Variants in TMEM132D observed in about 807,000 individuals in gnomAD.
TMEM132D encodes the protein mature OL transmembrane protein.
TMEM132D carries 21 observed loss-of-function variants against 62.3 expected under a neutral mutation model. The observed-to-expected ratio is 0.34, with a 90% CI of 0.24 to 0.49. The LOEUF (loss-of-function observed/expected upper bound fraction) is 0.49. TMEM132D is among the 20% of genes least tolerant of loss of function. The pLI is 0.99. For synonymous variants in TMEM132D, 621 were observed against 575.6 expected, an observed-to-expected ratio of 1.08 and a Z score of -1.13; for missense variants, 1,346 against 1,402.8, an observed-to-expected ratio of 0.96 and a Z score of 0.65.
chr12:129,762,158 C>A (rs193166772), intron 1 of TMEM132D, among the ~76,000 whole-genome samples: 6 of 152,198 alleles, frequency 3.9e-5, no homozygotes, highest in African/African-American at 1.2e-4. Flanking sequence ...CTAAATGTTG[C>A]AATTATGTGT....
Position 129,700,556 on chromosome 12 carries a change from G to T in TMEM132D, c.222C>A (p.Ser74Arg), listed in dbSNP as rs2137227651. The T allele has an allele frequency of 6.2e-7, 1 of 1,614,060 alleles. No homozygotes were observed. Reference protein sequence around the residue: ...EANQDIMRNSSLQSRVESFLI... With the variant: ...EANQDIMRNSRLQSRVESFLI... ...GAAATGACTCCACCCGGGACTGCAG[G>T]CTGGAGTTCCTCATGATATCCTGGT... The change falls in exon 2 of 9, where the codon AGC (serine) becomes AGA (arginine). Residue 74 changes from serine (S) to arginine (R), a missense_variant. Coordinates refer to ENST00000422113, the MANE Select transcript of TMEM132D (RefSeq NM_133448.3).
intron 1 of TMEM132D, among the ~76,000 whole-genome samples, chr12:129,774,982 A>G (rs1343497069): frequency 6.6e-6 from 1 of 151,690 alleles, no homozygotes; most frequent in African/African-American, 2.4e-5. Context: ...TCAGGGGCAC[A>G]GAACCATGTC....
chr12:129,414,651 T>A (rs1872063312), intron 3 of TMEM132D, among the ~76,000 whole-genome samples: 1 of 152,218 alleles, frequency 6.6e-6, no homozygotes, highest in Non-Finnish European at 1.5e-5. Flanking sequence ...TTTCTTTTGG[T>A]CTGGTAAGAA....
intron 1 of TMEM132D, among the ~76,000 whole-genome samples, chr12:129,737,147 C>T (rs2137256555): frequency 6.6e-6 from 1 of 152,272 alleles, no homozygotes; most frequent in South Asian, 2.1e-4. Flanking sequence ...GCACTACTGG[C>T]ATCTTAGACT....
At chr12:129,560,860 G>T (rs894764374) in intron 2 of TMEM132D, among the ~76,000 whole-genome samples, 1 of 152,104 alleles carries the variant, frequency 6.6e-6, no homozygotes, top group Non-Finnish European at 1.5e-5. Flanking sequence ...AGTTCTACTT[G>T]TGTCTCCCTG....
chr12:129,662,808 A>G (rs201192526), intron 2 of TMEM132D, among the ~76,000 whole-genome samples: 9 of 64,856 alleles, frequency 1.4e-4, no homozygotes, highest in African/African-American at 5.8e-4. Context: ...AAAAAAAAAA[A>G]AAAAAGAGAG....
chr12:129,830,043 G>A (rs556630193), intron 1 of TMEM132D, among the ~76,000 whole-genome samples: 1 of 152,272 alleles, frequency 6.6e-6, no homozygotes, highest in Admixed American at 6.5e-5. Context: ...GAGTGGCACA[G>A]AGCTCAGGCT....
At chr12:129,551,180 C>A (rs1422850594) in intron 2 of TMEM132D, among the ~76,000 whole-genome samples, 1 of 152,248 alleles carries the variant, frequency 6.6e-6, no homozygotes, top group Non-Finnish European at 1.5e-5. Flanking sequence ...GAGGCCCCAG[C>A]CATTGTGGAG....
At chr12:129,506,891 C>A (rs1230090997) in intron 3 of TMEM132D, among the ~76,000 whole-genome samples, 1 of 152,042 alleles carries the variant, frequency 6.6e-6, no homozygotes, top group Non-Finnish European at 1.5e-5. Flanking sequence ...TTTTGCACAG[C>A]AAGAGAAACA....
chr12:129,310,555 T>C (rs1881948738), intron 4 of TMEM132D, among the ~76,000 whole-genome samples: 1 of 152,202 alleles, frequency 6.6e-6, no homozygotes, highest in South Asian at 2.1e-4. Flanking sequence ...GACTTTTCTT[T>C]GGCTGAACCC....
chr12:129,133,553 T>A lies in TMEM132D; in HGVS notation c.1444-48851A>T, dbSNP rs1197596254. ...ATGTTCCCAGTAAATCAATTAAACA[T>A]GGAGGTCTGTCTTGGTATCTGCTTA... On this transcript the variant is annotated intron_variant, in intron 5 of 8. Coordinates refer to ENST00000422113, the MANE Select transcript of TMEM132D (RefSeq NM_133448.3). 2.6e-5 allele frequency among the ~76,000 whole-genome samples: 4 copies of A among 152,220 alleles called. No individual in the cohort carries two copies. In the East Asian group the frequency reaches 7.7e-4, roughly 29 times the overall value.
intron 2 of TMEM132D, among the ~76,000 whole-genome samples, chr12:129,676,542 G>A (rs758819150): frequency 4.9e-4 from 74 of 152,310 alleles, no homozygotes; most frequent in Middle Eastern, 3.4e-3. Flanking sequence ...AGAGGAGGGG[G>A]AAGGGAGCCA....
At chr12:129,560,847 G>A (rs938699690) in intron 2 of TMEM132D, among the ~76,000 whole-genome samples, 1 of 152,144 alleles carries the variant, frequency 6.6e-6, no homozygotes, top group Non-Finnish European at 1.5e-5. Flanking sequence ...AAACTTTCAT[G>A]TTAGTTCTAC....
chr12:129,660,710 G>T (rs548236509), intron 2 of TMEM132D, among the ~76,000 whole-genome samples: 1 of 152,136 alleles, frequency 6.6e-6, no homozygotes, highest in African/African-American at 2.4e-5. Flanking sequence ...TGCACACCTT[G>T]TACCAAAATG....
chr12:129,102,444 C>A (rs201650316), intron 5 of TMEM132D, among the ~76,000 whole-genome samples: 2 of 143,246 alleles, frequency 1.4e-5, no homozygotes, highest in African/African-American at 4.9e-5. Flanking sequence ...TATGCACATA[C>A]ACACATGCAG....
rs146273871 is a variant in TMEM132D, at chr12:129,260,741, C to T, written c.1300-51078G>A. Among the ~76,000 whole-genome samples the T allele has an allele frequency of 5.7e-3, 875 of 152,280 alleles. 7 individuals are homozygous for T. Among genetic ancestry groups the T allele is most frequent in the African/African-American group, 0.02 (840 of 41,560 alleles). On this transcript the variant is annotated intron_variant, in intron 4 of 8. Coordinates refer to ENST00000422113, the MANE Select transcript of TMEM132D (RefSeq NM_133448.3). ...TTTGCATCCTCGTAGCTTTAACTCT[C>T]ACTTATAAGAGAGAACATATGATAT...
intron 4 of TMEM132D, among the ~76,000 whole-genome samples, chr12:129,297,736 T>C (rs1881612325): frequency 1.3e-5 from 2 of 152,106 alleles, no homozygotes; most frequent in Non-Finnish European, 2.9e-5. Flanking sequence ...GGTTATCAGG[T>C]CGTTATCAAA....
At chr12:129,649,852 GTA>G (rs1293803741) in intron 2 of TMEM132D, among the ~76,000 whole-genome samples, 4 of 146,742 alleles carry the variant, frequency 2.7e-5, no homozygotes, top group East Asian at 2.0e-4. Flanking sequence ...TTGTATGTTT[GTA>G]TATGTGTATG....
In TMEM132D at chr12:129,074,793, T is replaced by TTTGA; in HGVS notation, c.2378_2381dup (p.Lys794AsnfsTer4). 6.2e-7 allele frequency: 1 copy of TTTGA among 1,614,136 alleles called. No homozygotes were observed. Among genetic ancestry groups the TTTGA allele is most frequent in the Non-Finnish European group, 8.5e-7 (1 of 1,180,034 alleles). ...TAGCATCGTTTTGGCCAAATTTAAC[T>TTTGA]TTGATGTTTGCCGTTCCAACAGCTA... On this transcript the variant is annotated frameshift_variant, in exon 9 of 9. Coordinates refer to ENST00000422113, the MANE Select transcript of TMEM132D (RefSeq NM_133448.3). LOFTEE classifies it low-confidence loss of function (END_TRUNC).
Sources: allele counts gnomAD v4.1 joint callset (sites outside exome capture counted in the v4.1 genomes callset), GRCh38; gene constraint gnomAD v4.1.1; transcripts MANE v1.5; gene names NCBI Gene and HGNC (gene_info 2026-07-23, HGNC 2026-07-21).